DLG2: variants seen among roughly 807,000 people sequenced by gnomAD.
DLG2 encodes the protein discs large MAGUK scaffold protein 2.
DLG2 carries 45 observed loss-of-function variants against 132.5 expected under a neutral mutation model. That is an observed-to-expected ratio of 0.34 (90% confidence interval 0.27 to 0.44). The LOEUF is 0.44. DLG2 is among the 20% of genes least tolerant of loss of function. The pLI is 1.00. For synonymous variants in DLG2, 424 were observed against 419.6 expected (o/e 1.01, Z -0.13); for missense variants, 1,045 against 1,196.9 (o/e 0.87, Z 1.87).
At chr11:84,852,136 G>T (rs972125481) in intron 6 of DLG2, among the ~76,000 whole-genome samples, 11 of 151,992 alleles carry the variant, frequency 7.2e-5, no homozygotes, top group African/African-American at 2.7e-4. Flanking sequence ...AGCTATAGCT[G>T]CTTCTTTTTA....
At chr11:85,113,603 T>C (rs1229833905) in intron 5 of DLG2, among the ~76,000 whole-genome samples, 3 of 152,066 alleles carry the variant, frequency 2.0e-5, no homozygotes, top group South Asian at 2.1e-4. Flanking sequence ...TCCTATTGTA[T>C]GATAAGCAAA....
At chr11:84,867,043 T>TAAAC (rs2084678477) in intron 6 of DLG2, among the ~76,000 whole-genome samples, 1 of 152,344 alleles carries the variant, frequency 6.6e-6, no homozygotes, top group South Asian at 2.1e-4. Flanking sequence ...TTTAAGTATA[T>TAAAC]AAACTGGTTC....
chr11:83,735,306 AT>A (rs2091750180), intron 18 of DLG2, among the ~76,000 whole-genome samples: 1 of 152,174 alleles, frequency 6.6e-6, no homozygotes, highest in African/African-American at 2.4e-5. Flanking sequence ...TTTTAGTAAA[AT>A]TGATTAAGGA....
At chr11:84,224,082 C>T (rs996878081) in intron 8 of DLG2, among the ~76,000 whole-genome samples, 1 of 152,176 alleles carries the variant, frequency 6.6e-6, no homozygotes. Flanking sequence ...CCTGCCTTCC[C>T]CTAACTCCTC....
chr11:83,828,438 C>T (rs1481045243), intron 17 of DLG2, among the ~76,000 whole-genome samples: 1 of 152,160 alleles, frequency 6.6e-6, no homozygotes, highest in African/African-American at 2.4e-5. Context: ...CTACTGGTGT[C>T]CTGTAAGTTA....
Position 84,161,921 on chromosome 11 carries a change from T to C in DLG2, c.624+1540A>G, listed in dbSNP as rs192494670. On this transcript the variant is annotated intron_variant, in intron 9 of 27. Transcript: ENST00000376104. ...CAGTTAGCATACCATTAAAATTTTA[T>C]CAAGTCCATAATGGAAGTTTTAAAG... is the stretch of plus-strand genomic sequence containing the variant. Among the ~76,000 whole-genome samples, 474 of 152,296 alleles carry C rather than the reference T, an allele frequency of 3.1e-3. 2 individuals carry two copies. The highest frequency in any genetic ancestry group is 0.011 in the African/African-American group (457 of 41,580).
intron 6 of DLG2, among the ~76,000 whole-genome samples, chr11:85,107,955 C>T (rs1314280242): frequency 1.6e-5 from 1 of 63,476 alleles, no homozygotes; most frequent in African/African-American, 7.3e-5. Context: ...AAAAAAAAAG[C>T]CTCTCAGCCC....
At chr11:84,039,475 T>C (rs1441289495) in intron 11 of DLG2, among the ~76,000 whole-genome samples, 1 of 117,160 alleles carries the variant, frequency 8.5e-6, no homozygotes, top group East Asian at 2.7e-4. Context: ...TGGTGTTTGG[T>C]TTTTTGTTCT....
intron 6 of DLG2, chr11:84,887,136 G>A (rs958325487): frequency 7.2e-5 from 11 of 152,198 alleles, no homozygotes; most frequent in Non-Finnish European, 1.2e-4. Context: ...ATATGAAAGA[G>A]ATACAGAGCA....
rs914242900 is a variant in DLG2, at chr11:85,138,473, T to C, written c.282+16083A>G. On this transcript the variant is annotated intron_variant, in intron 5 of 27. Coordinates refer to ENST00000376104, the MANE Select transcript of DLG2 (RefSeq NM_001142699.3). ...ATAATGGTCAAAAATAAAATTTTGC[T>C]TTCAAGTCAATATAAATAACCTCAG... 5.3e-5 allele frequency among the ~76,000 whole-genome samples: 8 copies of C among 152,304 alleles called. No homozygotes were observed. In the East Asian group the frequency reaches 1.5e-3, roughly 29 times the overall value.
intron 6 of DLG2, among the ~76,000 whole-genome samples, chr11:84,586,895 T>C (rs1424498856): frequency 6.6e-6 from 1 of 152,246 alleles, no homozygotes; most frequent in Non-Finnish European, 1.5e-5. Context: ...ACTTGAAATC[T>C]GATTACTTCT....
chr11:85,306,025 C>A (rs1020448415), intron 3 of DLG2, among the ~76,000 whole-genome samples: 2 of 152,192 alleles, frequency 1.3e-5, no homozygotes, highest in Non-Finnish European at 2.9e-5. Flanking sequence ...CACCAACTAG[C>A]TGTGTAACTG....
At chr11:83,600,487 A>C (rs1201702956) in intron 19 of DLG2, among the ~76,000 whole-genome samples, 2 of 152,216 alleles carry the variant, frequency 1.3e-5, no homozygotes, top group Admixed American at 1.3e-4. Context: ...CTTTTAGAAA[A>C]CTTGTTTGAT....
chr11:84,125,101 C>T (rs1055410694), intron 9 of DLG2, among the ~76,000 whole-genome samples: 2 of 152,016 alleles, frequency 1.3e-5, no homozygotes, highest in Admixed American at 6.6e-5. Context: ...ATGCCCGTCT[C>T]GGCCTCCCAA....
At chr11:83,603,533 C>T (rs1399668193) in intron 19 of DLG2, among the ~76,000 whole-genome samples, 4 of 152,058 alleles carry the variant, frequency 2.6e-5, no homozygotes, top group Admixed American at 6.6e-5. Flanking sequence ...AGAAAGGAGT[C>T]GCTGAGTAAT....
In DLG2 at chr11:84,033,867, C is replaced by T. The variant is rs541831221; in HGVS notation, c.919+25448G>A. 1.7e-3 allele frequency among the ~76,000 whole-genome samples: 259 copies of T among 151,544 alleles called. 2 individuals carry two copies. The highest frequency in any genetic ancestry group is 5.9e-3 in the African/African-American group (242 of 41,272). On this transcript the variant is annotated intron_variant, in intron 11 of 27. Transcript: ENST00000376104. ...CAGCCTGACCAACATGGAGAAACTCCGTCTTTACTAAAAATACAAAAAACA... is the reference window on the plus strand; with the variant it reads ...CAGCCTGACCAACATGGAGAAACTCTGTCTTTACTAAAAATACAAAAAACA...
At chr11:85,528,588 A>G (rs73499168) in intron 3 of DLG2, among the ~76,000 whole-genome samples, 1,739 of 152,300 alleles carry the variant, frequency 0.011, 31 homozygotes, top group African/African-American at 0.04. Flanking sequence ...TTTAATCCTG[A>G]GTTGAATTTA....
At chr11:83,748,681 C>T (rs1291649406) in intron 18 of DLG2, among the ~76,000 whole-genome samples, 1 of 152,170 alleles carries the variant, frequency 6.6e-6, no homozygotes, top group Non-Finnish European at 1.5e-5. Flanking sequence ...CACAGTAATG[C>T]CTGCTTACAT....
chr11:84,961,694 T>G (rs2052603788), intron 6 of DLG2, among the ~76,000 whole-genome samples: 2 of 152,288 alleles, frequency 1.3e-5, no homozygotes, highest in South Asian at 4.1e-4. Flanking sequence ...AGGACATAAA[T>G]GTTAATAAAA....
Sources: gnomAD v4.1 joint callset for allele counts (sites outside exome capture counted in the v4.1 genomes callset) on GRCh38, gnomAD v4.1.1 for gene constraint, MANE v1.5 for transcripts, NCBI Gene and HGNC (gene_info 2026-07-23, HGNC 2026-07-21) for gene names.